The following DZIP1 variants were observed in gnomAD, a reference collection of about 807,000 sequenced individuals.
DZIP1 encodes the protein DAZ interacting zinc finger protein 1.
A neutral mutation model predicts 107.6 loss-of-function variants in DZIP1; 97 were observed. That is an observed-to-expected ratio of 0.90 (90% CI 0.77 to 1.07). DZIP1 has a LOEUF of 1.07. Ranked by LOEUF, DZIP1 falls within the 50% of genes least tolerant of loss-of-function variation. DZIP1 has a pLI of 0.00. For missense variants in DZIP1, 1,035 were observed against 1,063.6 expected (o/e 0.97, Z 0.37); for synonymous variants, 390 against 386.4 (o/e 1.01, Z -0.11).
intron 16 of DZIP1, 126 bp downstream of exon 16, chr13:95,593,818 C>T: frequency 8.8e-7 from 1 of 1,131,154 alleles, no homozygotes; most frequent in Non-Finnish European, 1.2e-6. Context: ...TAAAGTAGGT[C>T]ACATTAGCCT....
chr13:95,606,051 G>C lies in DZIP1; in HGVS notation c.1429C>G (p.Pro477Ala), dbSNP rs762906838. 1 of 1,613,814 alleles carries C rather than the reference G, an allele frequency of 6.2e-7. No individual in the cohort carries two copies. Among genetic ancestry groups the C allele is most frequent in the Non-Finnish European group, 8.5e-7 (1 of 1,179,890 alleles). Residue 477 changes from proline to alanine, a missense_variant, in exon 14 of 23, where the codon CCA (proline) becomes GCA (alanine). Physicochemically the swap from Pro to Ala is conservative, Grantham distance 27. Transcript: ENST00000376829. ...TTAGTTTCCAAAGTGTGCAGGGCTG[G>C]GGCATTCACTGAAACAGCATAAAAA... ...PAAPAVPMNA[P>A]ALHTLETKSS...
intron 9 of DZIP1, among the ~76,000 whole-genome samples, chr13:95,621,613 T>G (rs1234943073): frequency 6.6e-6 from 1 of 150,738 alleles, no homozygotes; most frequent in African/African-American, 2.4e-5. Flanking sequence ...CACTTCCAAA[T>G]GAAAGTGATT....
chr13:95,634,201 T>TC (rs1416628728), intron 5 of DZIP1, among the ~76,000 whole-genome samples: 2 of 152,146 alleles, frequency 1.3e-5, no homozygotes, highest in African/African-American at 4.8e-5. Context: ...ATCCAGACCC[T>TC]CCTCCCATGG....
intron 10 of DZIP1, among the ~76,000 whole-genome samples, chr13:95,618,774 G>A (rs1189953950): frequency 6.6e-6 from 1 of 152,054 alleles, no homozygotes; most frequent in Non-Finnish European, 1.5e-5. Context: ...ACTAAGAAAG[G>A]TAATATTAGA....
At position 95,589,842 on chromosome 13, in the gene DZIP1, C is replaced by G. The variant is rs145259138; in HGVS notation, c.1934G>C (p.Arg645Thr). 62 of 1,613,880 alleles carry G rather than the reference C, an allele frequency of 3.8e-5. No individual in the cohort carries two copies. In the African/African-American group the frequency reaches 8.1e-4, roughly 21 times the overall value. Reference protein sequence around the residue: ...QLPSKNRQLIRQKAVSTDRTS... With the variant: ...QLPSKNRQLITQKAVSTDRTS... The stretch of plus-strand genomic sequence containing the variant: ...CCTATCAGTAGAAACAGCTTTTTGT[C>G]TAATCAGTTGTCTGTTTTTGGAAGG... The change falls in exon 18 of 23, where the codon AGA becomes ACA. Residue 645 changes from arginine (R) to threonine (T), a missense_variant. Arg to Thr is a moderately conservative substitution (Grantham distance 71, BLOSUM62 -1). Coordinates refer to ENST00000376829, the MANE Select transcript of DZIP1 (RefSeq NM_198968.4).
intron 8 of DZIP1, among the ~76,000 whole-genome samples, chr13:95,622,696 GA>G (rs34289230): frequency 2.7e-5 from 4 of 150,494 alleles, no homozygotes; most frequent in Non-Finnish European, 5.9e-5. Flanking sequence ...TGTACAGGGT[GA>G]AAAAAGGGGA....
chr13:95,618,063 G>T (rs1402187518), intron 10 of DZIP1: 1 of 517,848 alleles, frequency 1.9e-6, no homozygotes, highest in Non-Finnish European at 3.9e-6. Context: ...TACCTGATCT[G>T]GAACTCAGAA....
intron 5 of DZIP1, among the ~76,000 whole-genome samples, chr13:95,640,459 G>C (rs912822907): frequency 6.6e-6 from 1 of 152,088 alleles, no homozygotes; most frequent in Non-Finnish European, 1.5e-5. Flanking sequence ...ATAGTCAGCC[G>C]AAAGGACTAG....
At chr13:95,591,665 C>G (rs2044316180) in intron 16 of DZIP1, among the ~76,000 whole-genome samples, 1 of 152,164 alleles carries the variant, frequency 6.6e-6, no homozygotes, top group African/African-American at 2.4e-5. Flanking sequence ...CTCATATAAT[C>G]TAAATTAGAG....
intron 15 of DZIP1, among the ~76,000 whole-genome samples, chr13:95,595,929 G>A (rs559217980): frequency 6.6e-6 from 1 of 152,240 alleles, no homozygotes; most frequent in South Asian, 2.1e-4. Context: ...ATTTGCTGAT[G>A]TGTCTGTGAT....
chr13:95,589,550 T>C (rs566580723), intron 18 of DZIP1, among the ~76,000 whole-genome samples: 5 of 152,174 alleles, frequency 3.3e-5, no homozygotes, highest in Non-Finnish European at 7.3e-5. Context: ...TGGTGCCTTA[T>C]AAGAAGAGGA....
At position 95,609,414 on chromosome 13, in the gene DZIP1, T is replaced by G. The variant is rs778125595; in HGVS notation, c.1420+43A>C. 1.5e-5 allele frequency: 21 copies of G among 1,372,686 alleles called. 1 individual carries two copies. In the South Asian group the frequency reaches 3.5e-4, roughly 23 times the overall value. The allele number at this position is 1,372,686 out of a possible 1,614,324, so 85.0% of individuals were successfully genotyped here. A position where few individuals can be genotyped will look rare whatever the true frequency, so the allele number is the denominator to read the frequency against. ...AAAAGTTATGTTTTGGTTTAGCATTTTAAAGATACCTTTGGAGCCCTGCAT... is the reference window on the plus strand; with the variant it reads ...AAAAGTTATGTTTTGGTTTAGCATTGTAAAGATACCTTTGGAGCCCTGCAT... On this transcript the variant is annotated intron_variant, in intron 13 of 22. Transcript: ENST00000376829.
At chr13:95,618,418 T>C (rs964438195) in intron 10 of DZIP1, among the ~76,000 whole-genome samples, 7 of 152,244 alleles carry the variant, frequency 4.6e-5, no homozygotes, top group Non-Finnish European at 8.8e-5. Context: ...GTATTATCAC[T>C]ATAAAGTATT....
chr13:95,629,753 TTG>T (rs1363232473), intron 7 of DZIP1, among the ~76,000 whole-genome samples: 1 of 152,222 alleles, frequency 6.6e-6, no homozygotes, highest in Non-Finnish European at 1.5e-5. Flanking sequence ...AGAAAGTTAA[TTG>T]TGTGTTATAT....
intron 15 of DZIP1, among the ~76,000 whole-genome samples, chr13:95,598,904 C>A (rs1456690101): frequency 6.6e-6 from 1 of 152,118 alleles, no homozygotes; most frequent in Non-Finnish European, 1.5e-5. Context: ...CATAAATATT[C>A]CACATCCAGA....
intron 9 of DZIP1, 56 bp downstream of exon 9, chr13:95,622,287 T>A (rs1382251911): frequency 6.2e-7 from 1 of 1,610,100 alleles, no homozygotes; most frequent in Non-Finnish European, 8.5e-7. Context: ...CACTGTAAAT[T>A]ACTTCACTAA....
At chr13:95,642,989 G>A (rs997985460) in intron 3 of DZIP1, 54 bp downstream of exon 3, 3 of 152,214 alleles carry the variant, frequency 2.0e-5, no homozygotes, top group Non-Finnish European at 4.4e-5. Flanking sequence ...ACAGATGGAG[G>A]GGGATTTTAG....
At chr13:95,591,401 A>G (rs2044309622) in intron 16 of DZIP1, among the ~76,000 whole-genome samples, 1 of 152,226 alleles carries the variant, frequency 6.6e-6, no homozygotes, top group Non-Finnish European at 1.5e-5. Flanking sequence ...TTTGATGAGA[A>G]TCTAGACAGA....
chr13:95,588,626 T>C (rs979447592), intron 19 of DZIP1, among the ~76,000 whole-genome samples: 2 of 152,118 alleles, frequency 1.3e-5, no homozygotes, highest in South Asian at 4.2e-4. Context: ...ACTTAAAACA[T>C]CCCATACTAC....
Sources: allele counts gnomAD v4.1 joint callset (sites outside exome capture counted in the v4.1 genomes callset), GRCh38; gene constraint gnomAD v4.1.1; transcripts MANE v1.5; gene names NCBI Gene and HGNC (gene_info 2026-07-23, HGNC 2026-07-21).